Variants in BARX2 observed in about 807,000 individuals in gnomAD.
BARX2 encodes homeobox protein BarH-like 2.
BARX2 carries 11 observed loss-of-function variants against 25.5 expected under a neutral mutation model. That is an observed-to-expected ratio of 0.43 (90% CI 0.27 to 0.71). BARX2 has a LOEUF of 0.71. BARX2 is among the 30% of genes least tolerant of loss of function. BARX2 has a pLI of 0.19. For missense variants in BARX2, 360 were observed against 359.9 expected, an observed-to-expected ratio of 1.00 and a Z score of 0.00; for synonymous variants, 137 against 149.5, an observed-to-expected ratio of 0.92 and a Z score of 0.61.
At chr11:129,438,545 T>C (rs1862220067) in intron 2 of BARX2, among the ~76,000 whole-genome samples, 1 of 152,200 alleles carries the variant, frequency 6.6e-6, no homozygotes, top group Non-Finnish European at 1.5e-5. Flanking sequence ...TTAAGCTGTG[T>C]AGTAGCTCTT....
chr11:129,412,271 CAAA>C (rs112111155), intron 1 of BARX2, among the ~76,000 whole-genome samples: 2 of 116,272 alleles, frequency 1.7e-5, no homozygotes, highest in African/African-American at 6.2e-5. Context: ...GAATCCATCT[CAAA>C]AAAAAAAAAC....
Position 129,376,194 on chromosome 11 carries a change from G to A in BARX2, c.159G>A (p.Val53=). Residue 53 remains valine, a synonymous_variant, in exon 1 of 4, where the codon GTG becomes GTA. Transcript: ENST00000281437. The surrounding 1 kb of genome is among the most constrained non-coding windows in gnomAD (Gnocchi z 4.2). ...ACTCCGTGTGCCCGTCGCTGGTCGT[G>A]CGACCCAAGCCCCTGCATTCCTGTA... is the stretch of plus-strand genomic sequence containing the variant. ...SLYSVCPSLV[V]RPKPLHSCTG... is the part of the protein sequence containing the mutation. The A allele has an allele frequency of 6.2e-7, 1 of 1,610,238 alleles. No homozygotes were observed. The highest frequency in any genetic ancestry group is 2.3e-5 in the East Asian group (1 of 44,326).
At position 129,376,276 on chromosome 11, in the gene BARX2, A is replaced by T; in HGVS notation, c.187+54A>T. On this transcript the variant is annotated intron_variant, in intron 1 of 3. Transcript: ENST00000281437. This position sits in a 1 kb window ranked among gnomAD's most constrained non-coding sequence, Gnocchi z 4.2. Reference sequence around the variant, plus strand: ...GGTTCGGTAGCTTTCACGTCCGTGTAGGTGGCCTGTGCTTTGCGATCCGAG... The same window carrying T: ...GGTTCGGTAGCTTTCACGTCCGTGTTGGTGGCCTGTGCTTTGCGATCCGAG... 1 of 1,505,466 alleles carries T rather than the reference A, an allele frequency of 6.6e-7. No homozygotes were observed. The highest frequency in any genetic ancestry group is 1.2e-5 in the South Asian group (1 of 81,754). The allele number at this position is 1,505,466 out of a possible 1,614,324, so 93.3% of individuals were successfully genotyped here. A position where few individuals can be genotyped will look rare whatever the true frequency, so the allele number is the denominator to read the frequency against.
At chr11:129,425,020 T>C (rs1047034910) in intron 1 of BARX2, among the ~76,000 whole-genome samples, 1 of 152,226 alleles carries the variant, frequency 6.6e-6, no homozygotes, top group Admixed American at 6.5e-5. Flanking sequence ...TCATTTGCAA[T>C]GTTATCCCCC....
At chr11:129,449,067 A>C (rs186541024) in intron 3 of BARX2, among the ~76,000 whole-genome samples, 2 of 152,284 alleles carry the variant, frequency 1.3e-5, no homozygotes, top group African/African-American at 2.4e-5. Flanking sequence ...ATAGGGACTG[A>C]CCGCTAATGC....
chr11:129,445,391 C>T (rs1445130902), intron 3 of BARX2, among the ~76,000 whole-genome samples: 1 of 152,240 alleles, frequency 6.6e-6, no homozygotes, highest in Non-Finnish European at 1.5e-5. Flanking sequence ...CCTCTGCCAG[C>T]ACCGCCCAGT....
chr11:129,451,517 T>A lies in BARX2; in HGVS notation c.*115T>A. On this transcript the variant is annotated 3_prime_UTR_variant, in exon 4 of 4. Transcript: ENST00000281437. ...CCAGTAAACTGCGGGCGAAGAGATC[T>A]ACCCGTCTCCCTCCCTCCCACAGTT... 8.4e-7 allele frequency: 1 copy of A among 1,196,620 alleles called. No homozygotes were observed. The highest frequency in any genetic ancestry group is 2.6e-5 in the East Asian group (1 of 38,930). The allele number at this position is 1,196,620 out of a possible 1,614,324, so 74.1% of individuals were successfully genotyped here.
rs2135411498 is a variant in BARX2 at position 129,436,286 on chromosome 11, A to T, written c.188-465A>T. ...AAGCTCTGAAAAATGCTATGCTTCAAGGTACACAGACTTCTCAGGAAGAAT... is the reference window on the plus strand; with the variant it reads ...AAGCTCTGAAAAATGCTATGCTTCATGGTACACAGACTTCTCAGGAAGAAT... On this transcript the variant is annotated intron_variant, in intron 1 of 3. Transcript: ENST00000281437. The surrounding 1 kb of genome is among the most constrained non-coding windows in gnomAD (Gnocchi z 4.5). The T allele has an allele frequency of 6.3e-6, 1 of 158,206 alleles. No homozygotes were observed. Among genetic ancestry groups the T allele is most frequent in the South Asian group, 2.1e-4 (1 of 4,864 alleles). 9.8% of individuals were successfully genotyped at this position (158,206 alleles called of 1,614,324 possible).
intron 1 of BARX2, among the ~76,000 whole-genome samples, chr11:129,395,206 T>A (rs1861705183): frequency 6.6e-6 from 1 of 152,232 alleles, no homozygotes; most frequent in Admixed American, 6.5e-5. Context: ...ATTTGATTTT[T>A]AAAATGCTTT....
At chr11:129,411,710 C>T (rs988467598) in intron 1 of BARX2, among the ~76,000 whole-genome samples, 5 of 152,254 alleles carry the variant, frequency 3.3e-5, no homozygotes, top group Non-Finnish European at 5.9e-5. Flanking sequence ...TGAGCTACTT[C>T]TCAGCTCTGG....
intron 2 of BARX2, 45 bp from the exon 3 acceptor site, chr11:129,442,790 G>A (rs749408863): frequency 3.3e-6 from 5 of 1,526,194 alleles, no homozygotes; most frequent in East Asian, 4.5e-5. Flanking sequence ...CTCTCCTGCT[G>A]CCTCCCATTC....
chr11:129,414,740 A>G (rs138469267), intron 1 of BARX2, among the ~76,000 whole-genome samples: 3 of 152,342 alleles, frequency 2.0e-5, no homozygotes, highest in Non-Finnish European at 4.4e-5. Flanking sequence ...TAAGAAAGAT[A>G]TTGTGCCTTC....
At chr11:129,389,826 A>G (rs894658989) in intron 1 of BARX2, among the ~76,000 whole-genome samples, 1 of 152,108 alleles carries the variant, frequency 6.6e-6, no homozygotes, top group Admixed American at 6.6e-5. Flanking sequence ...AGCATGGAAA[A>G]TGGTAGCAGT....
intron 3 of BARX2, among the ~76,000 whole-genome samples, chr11:129,450,009 T>C (rs1591452002): frequency 6.6e-6 from 1 of 152,322 alleles, no homozygotes; most frequent in South Asian, 2.1e-4. Context: ...GGTGCCGTTC[T>C]GGTCCTTTCA....
chr11:129,427,603 C>T lies in BARX2; in HGVS notation c.188-9148C>T, dbSNP rs560616327. Among the ~76,000 whole-genome samples the T allele has an allele frequency of 8.5e-5, 13 of 152,262 alleles. No homozygotes were observed. The South Asian group carries it at 2.7e-3, about 32-fold the overall frequency. The stretch of plus-strand genomic sequence containing the variant: ...TATCCATTCAGACCTTTGGCCTTTG[C>T]TTGTGTAAACTGGAAATGTGGGTGT... On this transcript the variant is annotated intron_variant, in intron 1 of 3. Transcript: ENST00000281437.
chr11:129,440,496 G>A (rs1170156122), intron 2 of BARX2, among the ~76,000 whole-genome samples: 3 of 152,202 alleles, frequency 2.0e-5, no homozygotes, highest in Non-Finnish European at 4.4e-5. Context: ...GCGACTGCTT[G>A]GGAAGCAGTG....
At chr11:129,415,102 C>G (rs1360113732) in intron 1 of BARX2, among the ~76,000 whole-genome samples, 3 of 152,018 alleles carry the variant, frequency 2.0e-5, no homozygotes, top group African/African-American at 7.2e-5. Flanking sequence ...CCTCTCCTTT[C>G]CCCCCATTAT....
At chr11:129,438,812 C>T (rs959567504) in intron 2 of BARX2, among the ~76,000 whole-genome samples, 2 of 152,152 alleles carry the variant, frequency 1.3e-5, no homozygotes, top group Non-Finnish European at 2.9e-5. Context: ...TTGCTGAGTG[C>T]AGTAGGAACA....
intron 1 of BARX2, among the ~76,000 whole-genome samples, chr11:129,398,444 C>A (rs1346930461): frequency 6.6e-6 from 1 of 152,164 alleles, no homozygotes. Flanking sequence ...ATGCTAATTG[C>A]TGAAGTGCCT....
Sources: allele counts gnomAD v4.1 joint callset (sites outside exome capture counted in the v4.1 genomes callset), GRCh38; gene constraint gnomAD v4.1.1; non-coding constraint Gnocchi (gnomAD v3.1); transcripts MANE v1.5; gene names NCBI Gene and HGNC (gene_info 2026-07-23, HGNC 2026-07-21).